Variants in RASGRF2 observed in about 807,000 individuals in gnomAD.
The protein encoded by RASGRF2 is ras-specific guanine nucleotide-releasing factor 2.
RASGRF2 carries 76 observed loss-of-function variants against 151.0 expected under a neutral mutation model. The observed-to-expected ratio is 0.50, with a 90% confidence interval of 0.42 to 0.61. The LOEUF is 0.61. Ranked by LOEUF, RASGRF2 falls within the 20% of genes least tolerant of loss-of-function variation. RASGRF2 has a pLI of 0.00. For synonymous variants in RASGRF2, 504 were observed against 566.5 expected, an observed-to-expected ratio of 0.89 and a Z score of 1.57; for missense variants, 1,148 against 1,564.6, an observed-to-expected ratio of 0.73 and a Z score of 4.49.
At chr5:81,180,618 G>A (rs888151345) in intron 18 of RASGRF2, among the ~76,000 whole-genome samples, 1 of 152,044 alleles carries the variant, frequency 6.6e-6, no homozygotes, top group African/African-American at 2.4e-5. Flanking sequence ...CTTTTCACAG[G>A]GTCTTCTCTG....
At chr5:81,148,376 C>T (rs976717155) in intron 17 of RASGRF2, among the ~76,000 whole-genome samples, 1 of 152,184 alleles carries the variant, frequency 6.6e-6, no homozygotes. Context: ...CAGATTCAGC[C>T]ACTTCCTGCA....
At chr5:81,134,150 A>C (rs1753697547) in intron 17 of RASGRF2, among the ~76,000 whole-genome samples, 2 of 150,892 alleles carry the variant, frequency 1.3e-5, no homozygotes, top group South Asian at 4.2e-4. Flanking sequence ...TAAGGGTAAA[A>C]ATTTGGATTT....
At chr5:81,107,252 C>A (rs918466334) in intron 12 of RASGRF2, among the ~76,000 whole-genome samples, 3 of 151,172 alleles carry the variant, frequency 2.0e-5, no homozygotes, top group African/African-American at 7.3e-5. Context: ...GTCCCAGCTA[C>A]TCAGGAGGCT....
At chr5:81,148,662 T>C (rs1754059037) in intron 17 of RASGRF2, among the ~76,000 whole-genome samples, 1 of 118,050 alleles carries the variant, frequency 8.5e-6, no homozygotes, top group African/African-American at 3.1e-5. Context: ...CATCACACTC[T>C]GGGGACTGTT....
chr5:81,124,446 GTC>G (rs1373531601), intron 16 of RASGRF2, among the ~76,000 whole-genome samples: 13 of 152,196 alleles, frequency 8.5e-5, no homozygotes, highest in Non-Finnish European at 1.3e-4. Context: ...AATGTTCCCA[GTC>G]TCTGATATAT....
At chr5:81,108,054 G>A (rs541136555) in intron 12 of RASGRF2, among the ~76,000 whole-genome samples, 1 of 152,346 alleles carries the variant, frequency 6.6e-6, no homozygotes, top group African/African-American at 2.4e-5. Flanking sequence ...TTAGAACATT[G>A]GTGTTTAGGG....
intron 1 of RASGRF2, among the ~76,000 whole-genome samples, chr5:81,037,398 G>A (rs552025852): frequency 9.9e-5 from 15 of 152,022 alleles, no homozygotes; most frequent in East Asian, 7.7e-4. Flanking sequence ...ACTTTCTTCC[G>A]GCAACTTCAA....
intron 18 of RASGRF2, among the ~76,000 whole-genome samples, chr5:81,195,464 T>G (rs2112702579): frequency 6.6e-6 from 1 of 152,326 alleles, no homozygotes; most frequent in African/African-American, 2.4e-5. Flanking sequence ...CAGGGACTTT[T>G]GAATGACCAA....
chr5:81,020,206 G>A (rs374061839), intron 1 of RASGRF2, among the ~76,000 whole-genome samples: 53 of 152,256 alleles, frequency 3.5e-4, no homozygotes, highest in African/African-American at 1.1e-3. Flanking sequence ...AGAGTCTTTC[G>A]TGAACCTGCC....
intron 12 of RASGRF2, 116 bp downstream of exon 12, chr5:81,095,108 T>C: frequency 4.4e-6 from 3 of 683,788 alleles, no homozygotes; most frequent in Non-Finnish European, 6.3e-6. Context: ...GTTGCTATGG[T>C]CACTGCCATA....
chr5:80,973,791 C>T (rs1369240295), intron 1 of RASGRF2, among the ~76,000 whole-genome samples: 2 of 152,138 alleles, frequency 1.3e-5, no homozygotes, highest in Non-Finnish European at 2.9e-5. Flanking sequence ...GATCAAAGTA[C>T]CTTACTAAAG....
intron 1 of RASGRF2, among the ~76,000 whole-genome samples, chr5:80,999,042 C>CT (rs1166271209): frequency 6.6e-6 from 1 of 152,022 alleles, no homozygotes; most frequent in Non-Finnish European, 1.5e-5. Flanking sequence ...ATCTCTTTTT[C>CT]TTTTTCTCAC....
At chr5:81,184,506 C>G (rs1014822387) in intron 18 of RASGRF2, among the ~76,000 whole-genome samples, 12 of 152,190 alleles carry the variant, frequency 7.9e-5, no homozygotes, top group African/African-American at 2.9e-4. Context: ...GATGCTCTGT[C>G]CATTTATTCG....
chr5:81,219,162 T>G (rs1755805989), intron 25 of RASGRF2, among the ~76,000 whole-genome samples: 1 of 149,960 alleles, frequency 6.7e-6, no homozygotes, highest in African/African-American at 2.5e-5. Context: ...CACTGCAACC[T>G]CCACCTTCCG....
intron 17 of RASGRF2, among the ~76,000 whole-genome samples, chr5:81,155,103 T>G (rs1262836098): frequency 6.6e-6 from 1 of 152,144 alleles, no homozygotes; most frequent in African/African-American, 2.4e-5. Flanking sequence ...GAAAATGTTT[T>G]GAAACAAATG....
chr5:81,028,958 C>A (rs549682552), intron 1 of RASGRF2, among the ~76,000 whole-genome samples: 1 of 152,320 alleles, frequency 6.6e-6, no homozygotes, highest in African/African-American at 2.4e-5. Flanking sequence ...CCTAACACTG[C>A]GCTTTTCCAA....
rs1298948195 is a variant in RASGRF2 at position 80,960,405 on chromosome 5, G to A, written c.-334G>A. 6.6e-6 allele frequency among the ~76,000 whole-genome samples: 1 copy of A among 150,972 alleles called. No homozygotes were observed. Among genetic ancestry groups the A allele is most frequent in the Non-Finnish European group, 1.5e-5 (1 of 67,562 alleles). On this transcript the variant is annotated 5_prime_UTR_variant, in exon 1 of 27. Transcript: ENST00000265080. The surrounding 1 kb of genome is among the most constrained non-coding windows in gnomAD (Gnocchi z 5.5). ...CGCCCCAGCCCGCCGCGGGGGCTCG[G>A]CTCCCGCAACTTTGGGCGAAGCGGC...
intron 1 of RASGRF2, among the ~76,000 whole-genome samples, chr5:81,029,302 G>C (rs1750151666): frequency 1.3e-5 from 2 of 152,186 alleles, no homozygotes; most frequent in South Asian, 4.1e-4. Context: ...AGAGAGTAGT[G>C]GTTCTCCCAG....
chr5:81,172,469 GTGTGTT>G lies in RASGRF2; in HGVS notation c.2687-7704_2687-7699del, dbSNP rs1466047668. 6.2e-3 allele frequency among the ~76,000 whole-genome samples: 775 copies of G among 125,626 alleles called. 50 individuals are homozygous for G. The East Asian group carries it at 0.17, about 28-fold the overall frequency. The allele number at this position is 125,626 out of a possible 152,430, so 82.4% of individuals were successfully genotyped here. ...TGTGTGTGTGTGTGTGTGTGTGTGTGTGTGTTTATTGTTACAGTTAACTGCACTTAG... is the reference window on the plus strand; with the variant it reads ...TGTGTGTGTGTGTGTGTGTGTGTGTGTATTGTTACAGTTAACTGCACTTAG... On this transcript the variant is annotated intron_variant, in intron 17 of 26. Transcript: ENST00000265080.
Sources: gnomAD v4.1 joint callset for allele counts (sites outside exome capture counted in the v4.1 genomes callset) on GRCh38, gnomAD v4.1.1 for gene constraint, Gnocchi (gnomAD v3.1) non-coding constraint, MANE v1.5 for transcripts, NCBI Gene and HGNC (gene_info 2026-07-23, HGNC 2026-07-21) for gene names.